Variants in KANTR observed in about 807,000 individuals in gnomAD.
KANTR encodes KDM5C adjacent transcript.
intron 2 of KANTR, among the ~76,000 whole-genome samples, chrX:53,104,296 G>T (rs997508069): frequency 2.7e-5 from 3 of 109,933 alleles, no homozygotes; most frequent in Non-Finnish European, 5.7e-5. Flanking sequence ...GTACAATCTC[G>T]GCTCACTGCA....
chrX:53,120,826 A>G (rs1400147369), intron 2 of KANTR, among the ~76,000 whole-genome samples: 2 of 110,032 alleles, frequency 1.8e-5, no homozygotes, highest in African/African-American at 3.3e-5. Flanking sequence ...GGTTCAAGCA[A>G]TTCTCCTACT....
rs182499775 is a variant in KANTR, at chrX:53,142,022, C to A, written n.378C>A. On this transcript the variant is annotated non_coding_transcript_exon_variant, in exon 3 of 3. Transcript: ENST00000366185. ...CCCTTGCCAGCCTCTAGAGAAATCC[C>A]AGAACACTCAGCCCTGATGACACAT... 1.6e-3 allele frequency: 252 copies of A among 158,059 alleles called. 2 individuals are homozygous for A. The highest frequency in any genetic ancestry group is 7.1e-3 in the African/African-American group (222 of 31,470). The allele number at this position is 158,059 out of a possible 1,213,427, so 13.0% of individuals were successfully genotyped here.
chrX:53,136,418 A>C (rs1219748539), intron 2 of KANTR, among the ~76,000 whole-genome samples: 1 of 103,931 alleles, frequency 9.6e-6, no homozygotes, highest in Non-Finnish European at 2.0e-5. Context: ...TTGTATTTTT[A>C]CTAGAGATGG....
At chrX:53,113,566 CT>C (rs782348418) in intron 2 of KANTR, among the ~76,000 whole-genome samples, 1,611 of 69,634 alleles carry the variant, frequency 0.023, 13 homozygotes, top group African/African-American at 0.058. Context: ...CCTGATTGTT[CT>C]TTTTTTTTTT....
chrX:53,135,661 A>G (rs1193554452), intron 2 of KANTR, among the ~76,000 whole-genome samples: 5 of 112,053 alleles, frequency 4.5e-5, no homozygotes, highest in African/African-American at 1.6e-4. Context: ...TAAACATAGT[A>G]ATGCGCTGCA....
chrX:53,131,397 T>G (rs1231813905), downstream of KANTR, among the ~76,000 whole-genome samples: 1 of 111,855 alleles, frequency 8.9e-6, no homozygotes, highest in Non-Finnish European at 1.9e-5. Context: ...TCCAATAATG[T>G]ATTAAAAGGA....
At chrX:53,104,716 C>G (rs1932927611) in intron 2 of KANTR, among the ~76,000 whole-genome samples, 1 of 111,363 alleles carries the variant, frequency 9.0e-6, no homozygotes, top group African/African-American at 3.3e-5. Context: ...TGAGGTCCAT[C>G]CATGCTGTTG....
chrX:53,139,091 T>G (rs1933464805), intron 2 of KANTR, among the ~76,000 whole-genome samples: 1 of 109,177 alleles, frequency 9.2e-6, no homozygotes, highest in South Asian at 4.0e-4. Flanking sequence ...TGTGGTGGTG[T>G]GTGCCTGTAG....
At chrX:53,109,267 T>C (rs1302631503) in intron 2 of KANTR, among the ~76,000 whole-genome samples, 3 of 112,129 alleles carry the variant, frequency 2.7e-5, no homozygotes, top group Non-Finnish European at 3.8e-5. Context: ...TTCCTAAGTT[T>C]GTTTTTTGTT....
At chrX:53,136,678 A>T (rs1389773250) in intron 2 of KANTR, among the ~76,000 whole-genome samples, 11 of 48,714 alleles carry the variant, frequency 2.3e-4, no homozygotes, top group South Asian at 1.3e-3. Context: ...TACAGGCAAG[A>T]TCTACCACGC....
chrX:53,147,342 A>C (rs1468942959), downstream of KANTR, among the ~76,000 whole-genome samples: 19 of 111,594 alleles, frequency 1.7e-4, no homozygotes, highest in African/African-American at 5.9e-4. Flanking sequence ...AACAGACTTT[A>C]AACGAACAAA....
At chrX:53,143,109 T>A, downstream of KANTR, 1 of 1,164,069 alleles carries the variant, frequency 8.6e-7, no homozygotes, top group Non-Finnish European at 1.2e-6. Flanking sequence ...TGCCGCAGGA[T>A]TCCATGCCCA....
chrX:53,103,512 C>G (rs1556812217), intron 2 of KANTR, among the ~76,000 whole-genome samples: 1 of 111,027 alleles, frequency 9.0e-6, no homozygotes, highest in East Asian at 2.8e-4. Context: ...ACAATCATTC[C>G]TGGGCGGACA....
chrX:53,146,946 C>G (rs1165454208), downstream of KANTR, among the ~76,000 whole-genome samples: 2 of 111,771 alleles, frequency 1.8e-5, no homozygotes, highest in Non-Finnish European at 3.8e-5. Flanking sequence ...CAAGCCTGCC[C>G]TAAAAGAGCT....
At chrX:53,129,132 A>G (rs781998799), downstream of KANTR, among the ~76,000 whole-genome samples, 6 of 87,828 alleles carry the variant, frequency 6.8e-5, no homozygotes, top group East Asian at 2.0e-3. Context: ...CAGTGGCGCT[A>G]TCTGGGCTCA....
At chrX:53,132,866 A>G (rs1933376265) in intron 2 of KANTR, among the ~76,000 whole-genome samples, 1 of 112,008 alleles carries the variant, frequency 8.9e-6, no homozygotes, top group African/African-American at 3.2e-5. Flanking sequence ...GGGCAACACG[A>G]TGATCTTCAA....
downstream of KANTR, chrX:53,143,156 A>G (rs1270860933): frequency 2.1e-6 from 2 of 971,807 alleles, no homozygotes; most frequent in Non-Finnish European, 2.9e-6. Flanking sequence ...AGACACCAGA[A>G]CCACTTGTTG....
At chrX:53,096,643 T>C (rs1319658916) in intron 1 of KANTR, among the ~76,000 whole-genome samples, 1 of 109,623 alleles carries the variant, frequency 9.1e-6, no homozygotes, top group Admixed American at 9.7e-5. Context: ...CTGGCCAACA[T>C]GATGAAACCC....
At chrX:53,143,647 G>A (rs1418083747), downstream of KANTR, 5 of 736,342 alleles carry the variant, frequency 6.8e-6, no homozygotes, top group Admixed American at 6.7e-5. Context: ...GTTGTAGAAG[G>A]TGTGGTGCCA....
Sources: allele counts gnomAD v4.1 joint callset (sites outside exome capture counted in the v4.1 genomes callset), GRCh38; gene constraint gnomAD v4.1.1; transcripts MANE v1.5; gene names NCBI Gene and HGNC (gene_info 2026-07-23, HGNC 2026-07-21).